ANK1: variants seen among roughly 807,000 people sequenced by gnomAD.
ANK1 encodes the protein ankyrin 1, also known as ankyrin-1.
A neutral mutation model predicts 210.4 loss-of-function variants in ANK1; 51 were observed. That is an observed-to-expected ratio of 0.24 (90% CI 0.19 to 0.31). ANK1 has a LOEUF of 0.31. Among genes scored for constraint, ANK1 ranks in the 10% least tolerant of loss-of-function variants. The pLI is 1.00. For synonymous variants in ANK1, 967 were observed against 1,025.9 expected, an observed-to-expected ratio of 0.94 and a Z score of 1.10; for missense variants, 2,051 against 2,504.4, an observed-to-expected ratio of 0.82 and a Z score of 3.86.
At position 41,797,364 on chromosome 8, in the gene ANK1, G is replaced by A. The variant is rs1848941480; in HGVS notation, c.27+148C>T. 3 of 681,686 alleles carry A rather than the reference G, an allele frequency of 4.4e-6. No homozygotes were observed. The highest frequency in any genetic ancestry group is 1.8e-5 in the African/African-American group (1 of 55,458). The allele number at this position is 681,686 out of a possible 1,614,324, so 42.2% of individuals were successfully genotyped here. A position where few individuals can be genotyped will look rare whatever the true frequency, so the allele number is the denominator to read the frequency against. On this transcript the variant is annotated intron_variant, in intron 1 of 42. Transcript: ENST00000289734. The surrounding 1 kb of genome is among the most constrained non-coding windows in gnomAD (Gnocchi z 4.0). ...CTGCCTTCAGCTACAAGGTCGATGT[G>A]CCGCTATGCTAAGGCAGGGAGCCCA... is the stretch of plus-strand genomic sequence containing the variant.
At chr8:41,661,308 A>G in intron 42 of ANK1, 122 bp downstream of exon 42, 1 of 1,428,532 alleles carries the variant, frequency 7.0e-7, no homozygotes, top group South Asian at 1.2e-5. Context: ...GCCTCGAGAC[A>G]CAACAACAAG....
rs572346403 is a variant in ANK1, at chr8:41,691,568, G to A, written c.3859-969C>T. Among the ~76,000 whole-genome samples the A allele has an allele frequency of 1.8e-4, 27 of 152,234 alleles. No individual in the cohort carries two copies. The South Asian group carries it at 5.2e-3, about 29-fold the overall frequency. Reference sequence around the variant, plus strand: ...TAACCCAAGTGGGTCTCTTAGGATCGGTAACTGGTTCAGACCTAGCCCCCA... The same window carrying A: ...TAACCCAAGTGGGTCTCTTAGGATCAGTAACTGGTTCAGACCTAGCCCCCA... On this transcript the variant is annotated intron_variant, in intron 31 of 42. Transcript: ENST00000289734.
At position 41,653,727 on chromosome 8, in the gene ANK1, G is replaced by T. The variant is rs1454107706; in HGVS notation, c.*2063C>A. ...GCCCCCGGGATGGGGGAGGATGGAG[G>T]GGGGCGCCTCTGCGCCCTGGAGGCC... On this transcript the variant is annotated 3_prime_UTR_variant, in exon 43 of 43. Coordinates refer to ENST00000289734, the MANE Select transcript of ANK1 (RefSeq NM_000037.4). 6.6e-6 allele frequency: 1 copy of T among 152,316 alleles called. No individual in the cohort carries two copies. The highest frequency in any genetic ancestry group is 1.5e-5 in the Non-Finnish European group (1 of 68,104). 9.4% of individuals were successfully genotyped at this position (152,316 alleles called of 1,614,324 possible).
At chr8:41,737,435 C>T (rs1056351919) in intron 2 of ANK1, among the ~76,000 whole-genome samples, 1 of 152,188 alleles carries the variant, frequency 6.6e-6, no homozygotes, top group Admixed American at 6.5e-5. Flanking sequence ...CAATTGATCT[C>T]TAGGATTTTA....
chr8:41,775,222 T>C (rs1843753076), intron 1 of ANK1, among the ~76,000 whole-genome samples: 1 of 152,224 alleles, frequency 6.6e-6, no homozygotes, highest in African/African-American at 2.4e-5. Flanking sequence ...CAACTTTGCC[T>C]GATATAAGCT....
intron 1 of ANK1, among the ~76,000 whole-genome samples, chr8:41,790,216 G>A (rs1056134267): frequency 2.0e-5 from 3 of 150,802 alleles, no homozygotes; most frequent in South Asian, 2.1e-4. Flanking sequence ...GTGCGATCTC[G>A]GCTCACTGCA....
intron 1 of ANK1, among the ~76,000 whole-genome samples, chr8:41,842,937 C>T (rs940765459): frequency 6.6e-6 from 1 of 152,138 alleles, no homozygotes; most frequent in African/African-American, 2.4e-5. Context: ...ACCTCAGCCT[C>T]CCAGGTTCAA....
chr8:41,702,525 T>C (rs1190270826), intron 20 of ANK1, among the ~76,000 whole-genome samples: 1 of 152,228 alleles, frequency 6.6e-6, no homozygotes, highest in Non-Finnish European at 1.5e-5. Flanking sequence ...GGAAGGCTGC[T>C]TGCTGCTCCC....
intron 1 of ANK1, among the ~76,000 whole-genome samples, chr8:41,785,699 C>T (rs1846204422): frequency 6.6e-6 from 1 of 152,232 alleles, no homozygotes; most frequent in Non-Finnish European, 1.5e-5. Flanking sequence ...CCATCACTTC[C>T]GGGCCTGGGC....
chr8:41,875,691 A>C (rs1242712926), intron 1 of ANK1, among the ~76,000 whole-genome samples: 2 of 152,156 alleles, frequency 1.3e-5, no homozygotes, highest in Non-Finnish European at 2.9e-5. Context: ...AGCAGCTGGG[A>C]AGCCTCCTTG....
At chr8:41,732,104 C>A (rs926803016) in intron 3 of ANK1, among the ~76,000 whole-genome samples, 2 of 152,216 alleles carry the variant, frequency 1.3e-5, no homozygotes, top group Admixed American at 1.3e-4. Flanking sequence ...CAGAATTTTA[C>A]CTCAAGAGAT....
intron 1 of ANK1, among the ~76,000 whole-genome samples, chr8:41,867,747 C>A (rs1814748902): frequency 6.6e-6 from 1 of 152,236 alleles, no homozygotes; most frequent in African/African-American, 2.4e-5. Flanking sequence ...GTCTCCCCCA[C>A]TGAAATGACA....
At position 41,666,323 on chromosome 8, in the gene ANK1, G is replaced by A. The variant is rs76120550; in HGVS notation, c.5394+1944C>T. 9.0e-3 allele frequency among the ~76,000 whole-genome samples: 1,378 copies of A among 152,278 alleles called. 22 individuals are homozygous for A. The highest frequency in any genetic ancestry group is 0.031 in the African/African-American group (1,306 of 41,546). On this transcript the variant is annotated intron_variant, in intron 39 of 42. Transcript: ENST00000289734. ...CAGTCCTAACCAAGGAGGTTCTATC[G>A]TCTTCCCATTTTACACAAAGGAAAC...
At chr8:41,655,884 A>T in intron 42 of ANK1, 131 bp from the exon 43 acceptor site, 1 of 1,052,294 alleles carries the variant, frequency 9.5e-7, no homozygotes, top group Non-Finnish European at 1.4e-6. Flanking sequence ...CTCCCCAGGC[A>T]GGGCGATGTG....
At chr8:41,776,072 G>A (rs1843962295) in intron 1 of ANK1, among the ~76,000 whole-genome samples, 1 of 152,134 alleles carries the variant, frequency 6.6e-6, no homozygotes. Flanking sequence ...GGAGTAACAT[G>A]ATGCCTGATG....
intron 1 of ANK1, among the ~76,000 whole-genome samples, chr8:41,856,443 G>A (rs542669002): frequency 6.6e-6 from 1 of 152,250 alleles, no homozygotes; most frequent in Non-Finnish European, 1.5e-5. Context: ...ATTATAATTA[G>A]GAAAACCTGG....
chr8:41,664,882 G>A (rs1809897725), intron 39 of ANK1: 1 of 1,614,116 alleles, frequency 6.2e-7, no homozygotes. Flanking sequence ...CTCTCCCCCA[G>A]CTCCTTGTCC....
intron 42 of ANK1, among the ~76,000 whole-genome samples, chr8:41,658,903 T>C (rs1391244062): frequency 1.6e-5 from 1 of 60,854 alleles, no homozygotes; most frequent in East Asian, 2.9e-4. Context: ...AAAATATAAA[T>C]AAATAAATAA....
At chr8:41,685,068 A>G (rs1817349194) in intron 36 of ANK1, among the ~76,000 whole-genome samples, 1 of 152,124 alleles carries the variant, frequency 6.6e-6, no homozygotes, top group Non-Finnish European at 1.5e-5. Flanking sequence ...AGCTGGGATT[A>G]CAGGTGCATG....
Sources: allele counts gnomAD v4.1 joint callset (sites outside exome capture counted in the v4.1 genomes callset), GRCh38; gene constraint gnomAD v4.1.1; non-coding constraint Gnocchi (gnomAD v3.1); transcripts MANE v1.5; gene names NCBI Gene and HGNC (gene_info 2026-07-23, HGNC 2026-07-21).